NEK1: variants seen among roughly 807,000 people sequenced by gnomAD.
The protein encoded by NEK1 is NIMA related kinase 1, also known as serine/threonine-protein kinase Nek1.
In NEK1, 137 loss-of-function variants were observed where a neutral mutation model predicts 182.1. That is an observed-to-expected ratio of 0.75 (90% CI 0.65 to 0.87). The LOEUF (loss-of-function observed/expected upper bound fraction) is 0.87. Ranked by LOEUF, NEK1 falls within the 40% of genes least tolerant of loss-of-function variation. NEK1 has a pLI of 0.00. For missense variants in NEK1, 1,391 were observed against 1,494.4 expected, an observed-to-expected ratio of 0.93 and a Z score of 1.14; for synonymous variants, 513 against 492.2, an observed-to-expected ratio of 1.04 and a Z score of -0.56.
intron 8 of NEK1, among the ~76,000 whole-genome samples, chr4:169,588,336 G>T (rs780603753): frequency 1.3e-5 from 2 of 152,030 alleles, no homozygotes; most frequent in Non-Finnish European, 2.9e-5. Context: ...ACAGTACCTG[G>T]CTTATAGTGT....
In NEK1 at chr4:169,590,805, A is replaced by C. The variant is rs779421511; in HGVS notation, c.317T>G (p.Leu106Trp). The change falls in exon 6 of 36, where the codon TTG (leucine) becomes TGG (tryptophan). Residue 106 changes from leucine to tryptophan, a missense_variant. Physicochemically the swap from Leu to Trp is moderately conservative, Grantham distance 61. This residue lies in a region of NEK1 where 116 missense variants were observed against 114.5 expected (regional missense o/e 1.01). Transcript: ENST00000507142. ...KGVLFQEDQILDWFVQICLAL... is the reference protein window; with the variant it reads ...KGVLFQEDQIWDWFVQICLAL... ...CAAACATATCTGTACAAACCAGTCC[A>C]AAATCTAGGAAGAAAAATCAGATCT... 2 of 1,587,730 alleles carry C rather than the reference A, an allele frequency of 1.3e-6. No homozygotes were observed. The highest frequency in any genetic ancestry group is 1.7e-6 in the Non-Finnish European group (2 of 1,164,820).
intron 18 of NEK1, chr4:169,555,077 A>C (rs1761977562): frequency 6.6e-6 from 1 of 152,356 alleles, no homozygotes; most frequent in Admixed American, 6.5e-5. Context: ...CATATGTGTA[A>C]GTCTGTAACC....
chr4:169,421,545 G>A (rs1466724691), intron 31 of NEK1, among the ~76,000 whole-genome samples: 3 of 152,102 alleles, frequency 2.0e-5, no homozygotes, highest in African/African-American at 7.2e-5. Context: ...GATGGTGAGT[G>A]AGTTCTCATG....
At chr4:169,523,388 A>G (rs1428063429) in intron 19 of NEK1, among the ~76,000 whole-genome samples, 6 of 152,226 alleles carry the variant, frequency 3.9e-5, no homozygotes, top group Admixed American at 2.6e-4. Flanking sequence ...TGGTGTCCCT[A>G]TAAAAAGGGA....
intron 23 of NEK1, among the ~76,000 whole-genome samples, chr4:169,484,473 G>C (rs1362088038): frequency 6.6e-6 from 1 of 152,068 alleles, no homozygotes; most frequent in Non-Finnish European, 1.5e-5. Context: ...TCTAGATAAT[G>C]ATATCCAAAA....
At chr4:169,430,243 C>T (rs140860792) in intron 29 of NEK1, among the ~76,000 whole-genome samples, 75 of 152,144 alleles carry the variant, frequency 4.9e-4, no homozygotes, top group South Asian at 2.9e-3. Context: ...AGTACAGTGG[C>T]GCAATCTTGG....
At chr4:169,609,276 G>T (rs896425904) in intron 2 of NEK1, among the ~76,000 whole-genome samples, 4 of 152,012 alleles carry the variant, frequency 2.6e-5, no homozygotes, top group Non-Finnish European at 1.5e-5. Flanking sequence ...CAAGCACTAA[G>T]GAAAATAATT....
chr4:169,562,614 G>A (rs377414281), intron 12 of NEK1, among the ~76,000 whole-genome samples: 9 of 151,908 alleles, frequency 5.9e-5, no homozygotes, highest in African/African-American at 9.7e-5. Flanking sequence ...CCAGAGTAAC[G>A]GTAACCACTG....
At chr4:169,588,952 T>A (rs185134894) in intron 7 of NEK1, among the ~76,000 whole-genome samples, 18 of 152,284 alleles carry the variant, frequency 1.2e-4, no homozygotes, top group Non-Finnish European at 1.0e-4. Context: ...AAGTGTACAG[T>A]GTTTATAAAC....
At chr4:169,395,493 A>G (rs1341991377) in intron 35 of NEK1, among the ~76,000 whole-genome samples, 2 of 152,192 alleles carry the variant, frequency 1.3e-5, no homozygotes, top group Non-Finnish European at 2.9e-5. Context: ...TTTGTCTTTC[A>G]GAATCCAACT....
intron 26 of NEK1, among the ~76,000 whole-genome samples, chr4:169,468,479 A>C (rs1028931927): frequency 6.6e-6 from 1 of 152,192 alleles, no homozygotes; most frequent in East Asian, 1.9e-4. Flanking sequence ...TAAATTTAAC[A>C]TAAATGAAAA....
At chr4:169,573,079 A>G (rs557786434) in intron 12 of NEK1, among the ~76,000 whole-genome samples, 1 of 152,264 alleles carries the variant, frequency 6.6e-6, no homozygotes, top group Non-Finnish European at 1.5e-5. Flanking sequence ...AAAAAACTAT[A>G]ATGATGCAGG....
intron 12 of NEK1, among the ~76,000 whole-genome samples, chr4:169,569,497 T>C (rs1004252490): frequency 1.9e-5 from 2 of 107,634 alleles, no homozygotes; most frequent in Admixed American, 2.6e-4. Flanking sequence ...CCTCTCCCCA[T>C]GGTCTCCCTC....
chr4:169,592,785 G>A (rs1471035515), intron 5 of NEK1, among the ~76,000 whole-genome samples: 5 of 151,330 alleles, frequency 3.3e-5, no homozygotes, highest in South Asian at 2.1e-4. Flanking sequence ...CTATACTCAC[G>A]TAAGGCATTT....
Position 169,577,074 on chromosome 4 carries a change from T to G in NEK1, c.874A>C (p.Arg292=), listed in dbSNP as rs1301645905. 1 of 1,613,486 alleles carries G rather than the reference T, an allele frequency of 6.2e-7. No homozygotes were observed. Among genetic ancestry groups the G allele is most frequent in the Admixed American group, 1.7e-5 (1 of 59,996 alleles). ...ATCGAGTTTTGTCCTGAAGCTGGTCTTTTAGCTAGATGAAAAGATACAAAG... is the reference window on the plus strand; with the variant it reads ...ATCGAGTTTTGTCCTGAAGCTGGTCGTTTAGCTAGATGAAAAGATACAAAG... ...KFGSQPIPAK[R]PASGQNSISV... Residue 292 remains arginine, a synonymous_variant, in exon 12 of 36, where the codon AGA becomes CGA. Coordinates refer to ENST00000507142, the MANE Select transcript of NEK1 (RefSeq NM_001199397.3).
At chr4:169,421,837 T>C (rs1394040513) in intron 31 of NEK1, among the ~76,000 whole-genome samples, 1 of 152,218 alleles carries the variant, frequency 6.6e-6, no homozygotes, top group Non-Finnish European at 1.5e-5. Context: ...CAGCAATTTA[T>C]AGTTCAAATA....
intron 29 of NEK1, 102 bp downstream of exon 29, chr4:169,433,443 T>C: frequency 9.3e-7 from 1 of 1,079,574 alleles, no homozygotes; most frequent in South Asian, 1.7e-5. Flanking sequence ...GGTATTACAA[T>C]ATTAGGATAT....
chr4:169,594,010 T>G (rs1769017969), intron 5 of NEK1, among the ~76,000 whole-genome samples: 1 of 151,856 alleles, frequency 6.6e-6, no homozygotes, highest in South Asian at 2.1e-4. Flanking sequence ...AAAAAAATTG[T>G]AACCCTGCTT....
Position 169,599,165 on chromosome 4 carries a change from A to G in NEK1, c.247T>C (p.Cys83Arg). The change falls in exon 5 of 36, where the codon TGT becomes CGT. Residue 83 changes from cysteine (C) to arginine (R), a missense_variant. By Grantham distance (180) the Cys-to-Arg change is radical. Around this residue, in one of 5 missense-constraint regions of NEK1, gnomAD observed 116 missense variants for 114.5 expected, o/e 1.01. Coordinates refer to ENST00000507142, the MANE Select transcript of NEK1 (RefSeq NM_001199397.3). The part of the protein sequence containing the change: ...NGSLYIVMDY[C>R]EGGDLFKRIN... ...CGCTTAAACAGATCCCCTCCCTCACAGTAATCCATTACTATGTAGAGAGAG... is the reference window on the plus strand; with the variant it reads ...CGCTTAAACAGATCCCCTCCCTCACGGTAATCCATTACTATGTAGAGAGAG... 1 of 1,613,278 alleles carries G rather than the reference A, an allele frequency of 6.2e-7. No individual in the cohort carries two copies. The highest frequency in any genetic ancestry group is 8.5e-7 in the Non-Finnish European group (1 of 1,179,566).
Sources: allele counts gnomAD v4.1 joint callset (sites outside exome capture counted in the v4.1 genomes callset), GRCh38; gene constraint gnomAD v4.1.1; regional missense constraint gnomAD v4.1.1; transcripts MANE v1.5; gene names NCBI Gene and HGNC (gene_info 2026-07-23, HGNC 2026-07-21).